Variants in TBX15 observed in about 807,000 individuals in gnomAD.
The protein encoded by TBX15 is T-box transcription factor TBX15.
Under a neutral mutation model 53.9 loss-of-function variants are expected in TBX15, and 18 were observed. The observed-to-expected ratio is 0.33, with a 90% CI of 0.23 to 0.49. The LOEUF (loss-of-function observed/expected upper bound fraction) is 0.49, where lower values mean the gene tolerates loss of function less well. Among genes scored for constraint, TBX15 ranks in the 20% least tolerant of loss-of-function variants. The pLI, the probability that TBX15 is intolerant of heterozygous loss-of-function variation, is 0.98. For synonymous variants in TBX15, 295 were observed against 278.0 expected, an observed-to-expected ratio of 1.06 and a Z score of -0.61; for missense variants, 692 against 749.5, an observed-to-expected ratio of 0.92 and a Z score of 0.90.
chr1:118,948,567 G>A (rs1656414340), intron 1 of TBX15, among the ~76,000 whole-genome samples: 1 of 152,138 alleles, frequency 6.6e-6, no homozygotes, highest in Admixed American at 6.5e-5. Flanking sequence ...TTTCCCCTCT[G>A]GGCCTCAGTG....
chr1:118,981,944 G>A (rs1401502183), intron 1 of TBX15, among the ~76,000 whole-genome samples: 1 of 152,196 alleles, frequency 6.6e-6, no homozygotes, highest in African/African-American at 2.4e-5. Context: ...AAAGAGTAAG[G>A]AAAAGAGATT....
chr1:118,900,067 G>T (rs1654569907), intron 6 of TBX15, among the ~76,000 whole-genome samples: 1 of 152,050 alleles, frequency 6.6e-6, no homozygotes, highest in Non-Finnish European at 1.5e-5. Context: ...TATCAGCTGG[G>T]GCTTTGTTTG....
At chr1:118,933,008 G>T (rs1372026528) in intron 1 of TBX15, among the ~76,000 whole-genome samples, 4 of 152,024 alleles carry the variant, frequency 2.6e-5, no homozygotes, top group Non-Finnish European at 4.4e-5. Flanking sequence ...ACTTTTCAAT[G>T]GTGTCAAGGG....
chr1:118,894,379 C>T (rs1284353053), intron 7 of TBX15, among the ~76,000 whole-genome samples: 1 of 152,154 alleles, frequency 6.6e-6, no homozygotes, highest in East Asian at 1.9e-4. Flanking sequence ...CCAGAACATG[C>T]AAGGTCTAGC....
intron 6 of TBX15, among the ~76,000 whole-genome samples, chr1:118,901,219 G>A (rs1654619867): frequency 6.6e-6 from 1 of 152,182 alleles, no homozygotes; most frequent in African/African-American, 2.4e-5. Flanking sequence ...AAGTCCAAGA[G>A]CAAGGTGCTG....
At chr1:118,911,762 T>C (rs1304705162) in intron 6 of TBX15, among the ~76,000 whole-genome samples, 1 of 152,194 alleles carries the variant, frequency 6.6e-6, no homozygotes, top group Non-Finnish European at 1.5e-5. Flanking sequence ...CAGGGCCTCC[T>C]TGATGTTGCA....
In TBX15 at chr1:118,901,068, C is replaced by G. The variant is rs186399196; in HGVS notation, c.927-1943G>C. On this transcript the variant is annotated intron_variant, in intron 6 of 7. Transcript: ENST00000369429. ...GAAATTGCAATAATATACTGATACA[C>G]TGCCAATATTTTATTTGTTGAATAA... Among the ~76,000 whole-genome samples the G allele has an allele frequency of 4.4e-3, 664 of 152,340 alleles. 2 individuals are homozygous for G. The highest frequency in any genetic ancestry group is 7.7e-3 in the Non-Finnish European group (524 of 68,020).
Position 118,884,920 on chromosome 1 carries a change from T to A in TBX15, c.1621A>T (p.Thr541Ser), listed in dbSNP as rs1557867989. The change falls in exon 8 of 8, where the codon ACT becomes TCT. Residue 541 changes from threonine (T) to serine (S), a missense_variant. Transcript: ENST00000369429. ...SPEKLSASQSTLLCSSPSNGA... is the reference protein window; with the variant it reads ...SPEKLSASQSSLLCSSPSNGA... ...TTGGAAGGAGAAGAACAGAGTAAAG[T>A]GCTTTGAGAGGCGCTCAGTTTTTCC... The A allele has an allele frequency of 6.2e-7, 1 of 1,614,168 alleles. No homozygotes were observed. The highest frequency in any genetic ancestry group is 8.5e-7 in the Non-Finnish European group (1 of 1,180,034).
chr1:118,948,076 T>C (rs898066903), intron 1 of TBX15, among the ~76,000 whole-genome samples: 1 of 152,132 alleles, frequency 6.6e-6, no homozygotes, highest in African/African-American at 2.4e-5. Context: ...TTTTGGTTTC[T>C]GAAGCATAGC....
At chr1:118,934,080 C>T (rs902489460) in intron 1 of TBX15, among the ~76,000 whole-genome samples, 1 of 152,114 alleles carries the variant, frequency 6.6e-6, no homozygotes, top group African/African-American at 2.4e-5. Flanking sequence ...AGAGACTCTA[C>T]CCTTAACTCA....
At chr1:118,951,739 C>CCA (rs756448963) in intron 1 of TBX15, among the ~76,000 whole-genome samples, 6 of 152,196 alleles carry the variant, frequency 3.9e-5, no homozygotes, top group Admixed American at 1.3e-4. Context: ...CCAATTTGCA[C>CCA]CACACACTCA....
chr1:118,984,884 G>A (rs1441063861), intron 1 of TBX15, among the ~76,000 whole-genome samples: 1 of 152,170 alleles, frequency 6.6e-6, no homozygotes. Flanking sequence ...CAAGCTGCGG[G>A]TGCTCGGGCG....
At chr1:118,917,924 T>C (rs1655301605) in intron 5 of TBX15, among the ~76,000 whole-genome samples, 1 of 152,194 alleles carries the variant, frequency 6.6e-6, no homozygotes, top group Non-Finnish European at 1.5e-5. Flanking sequence ...CTTGCCTTGA[T>C]CCACAGGCTC....
intron 1 of TBX15, among the ~76,000 whole-genome samples, chr1:118,973,180 G>A (rs1178847316): frequency 1.3e-5 from 2 of 152,180 alleles, no homozygotes; most frequent in Non-Finnish European, 2.9e-5. Context: ...CATGTACACA[G>A]CTGAGGTACA....
At chr1:118,928,014 A>G (rs956173555) in intron 2 of TBX15, among the ~76,000 whole-genome samples, 9 of 152,176 alleles carry the variant, frequency 5.9e-5, no homozygotes, top group African/African-American at 2.2e-4. Context: ...ATATGGCCTA[A>G]TTGGCTTTGC....
At chr1:118,968,673 G>A (rs1657133724) in intron 1 of TBX15, among the ~76,000 whole-genome samples, 1 of 152,202 alleles carries the variant, frequency 6.6e-6, no homozygotes, top group South Asian at 2.1e-4. Flanking sequence ...AGACCCAGAA[G>A]TTCTCAGCAT....
chr1:118,909,702 C>T (rs1460311482), intron 6 of TBX15, among the ~76,000 whole-genome samples: 1 of 152,210 alleles, frequency 6.6e-6, no homozygotes, highest in South Asian at 2.1e-4. Context: ...CCTGCCTCAG[C>T]GCCCCCAGTA....
chr1:118,954,523 C>T (rs182425187), intron 1 of TBX15, among the ~76,000 whole-genome samples: 21 of 152,312 alleles, frequency 1.4e-4, no homozygotes, highest in Admixed American at 8.5e-4. Flanking sequence ...AGGAGGCAAA[C>T]TCATCAAGAG....
At chr1:118,917,601 A>G (rs1655283946) in intron 5 of TBX15, among the ~76,000 whole-genome samples, 1 of 152,224 alleles carries the variant, frequency 6.6e-6, no homozygotes, top group Non-Finnish European at 1.5e-5. Flanking sequence ...TTTAAAAGAA[A>G]GGCCCTATGT....
Sources: allele counts gnomAD v4.1 joint callset (sites outside exome capture counted in the v4.1 genomes callset), GRCh38; gene constraint gnomAD v4.1.1; transcripts MANE v1.5; gene names NCBI Gene and HGNC (gene_info 2026-07-23, HGNC 2026-07-21).